The following KCND2 variants were observed in gnomAD, a reference collection of about 807,000 sequenced individuals.
The protein encoded by KCND2 is A-type voltage-gated potassium channel KCND2.
Under a neutral mutation model 54.4 loss-of-function variants are expected in KCND2, and 16 were observed. The observed-to-expected ratio is 0.29, with a 90% CI of 0.20 to 0.45. KCND2 has a LOEUF of 0.45. KCND2 is among the 20% of genes least tolerant of loss of function. KCND2 has a pLI of 1.00. For missense variants in KCND2, 486 were observed against 824.2 expected (o/e 0.59, Z 5.02); for synonymous variants, 317 against 310.7 (o/e 1.02, Z -0.21).
chr7:120,530,095 ATAAT>A (rs1327812523), intron 1 of KCND2, among the ~76,000 whole-genome samples: 2 of 152,102 alleles, frequency 1.3e-5, no homozygotes, highest in Non-Finnish European at 2.9e-5. Flanking sequence ...AAAGAGAGAA[ATAAT>A]TAATAAGATG....
At chr7:120,612,373 T>C (rs1792967277) in intron 1 of KCND2, among the ~76,000 whole-genome samples, 1 of 152,220 alleles carries the variant, frequency 6.6e-6, no homozygotes, top group Non-Finnish European at 1.5e-5. Flanking sequence ...TAAAGTAGTG[T>C]TTCCCATTAA....
chr7:120,274,876 C>T lies in KCND2; in HGVS notation c.244C>T (p.Gln82Ter), dbSNP rs1306598422. 6.2e-7 allele frequency: 1 copy of T among 1,614,184 alleles called. No individual in the cohort carries two copies. The highest frequency in any genetic ancestry group is 8.5e-7 in the Non-Finnish European group (1 of 1,180,028). Reference sequence around the variant, plus strand: ...CTTTTTCTACCACCCAGAAACTCAGCAGTATTTCTTTGACCGTGACCCAGA... The same window carrying T: ...CTTTTTCTACCACCCAGAAACTCAGTAGTATTTCTTTGACCGTGACCCAGA... ...RDFFYHPETQQYFFDRDPDIF... is the reference protein window; with the variant it reads ...RDFFYHPETQ The change falls in exon 1 of 6, where the codon CAG (glutamine) becomes TAG (stop). Residue 82 changes from glutamine to a stop codon, truncating the protein, a stop_gained. Coordinates refer to ENST00000331113, the MANE Select transcript of KCND2 (RefSeq NM_012281.3). LOFTEE classifies it high-confidence loss of function.
chr7:120,566,538 G>A (rs1037660985), intron 1 of KCND2, among the ~76,000 whole-genome samples: 1 of 151,908 alleles, frequency 6.6e-6, no homozygotes, highest in African/African-American at 2.4e-5. Context: ...ACACAACAGG[G>A]TCTTGCTATA....
intron 1 of KCND2, among the ~76,000 whole-genome samples, chr7:120,286,255 A>G (rs1464318943): frequency 6.6e-6 from 1 of 151,962 alleles, no homozygotes; most frequent in African/African-American, 2.4e-5. Flanking sequence ...TGTAATGTGT[A>G]CTCAAATCTG....
At chr7:120,290,030 T>C (rs1344603751) in intron 1 of KCND2, among the ~76,000 whole-genome samples, 1 of 152,080 alleles carries the variant, frequency 6.6e-6, no homozygotes, top group African/African-American at 2.4e-5. Flanking sequence ...TGGGGCCTTG[T>C]TGTGTTTTAA....
intron 1 of KCND2, among the ~76,000 whole-genome samples, chr7:120,537,262 AACTT>A (rs1178079142): frequency 6.6e-6 from 1 of 152,182 alleles, no homozygotes; most frequent in Non-Finnish European, 1.5e-5. Flanking sequence ...TTAGAAAAGA[AACTT>A]TCTTTTTTTT....
intron 2 of KCND2, among the ~76,000 whole-genome samples, chr7:120,737,894 A>C (rs7792191): frequency 0.036 from 5,461 of 151,954 alleles, 323 homozygotes; most frequent in African/African-American, 0.12. Context: ...AGATTTTGTG[A>C]TTTGGTAACA....
At chr7:120,599,815 A>T (rs1172794864) in intron 1 of KCND2, among the ~76,000 whole-genome samples, 5 of 151,736 alleles carry the variant, frequency 3.3e-5, no homozygotes, top group Admixed American at 1.3e-4. Flanking sequence ...CATTCTACTG[A>T]CCTCCAGTAA....
At chr7:120,458,481 C>CACACTGTGTGTTG (rs1450901864) in intron 1 of KCND2, among the ~76,000 whole-genome samples, 1 of 152,204 alleles carries the variant, frequency 6.6e-6, no homozygotes, top group Non-Finnish European at 1.5e-5. Context: ...ACCATAACCA[C>CACACTGTGTGTTG]ACACTGTGTG....
chr7:120,314,041 G>A (rs1431880322), intron 1 of KCND2, among the ~76,000 whole-genome samples: 3 of 149,924 alleles, frequency 2.0e-5, no homozygotes, highest in Non-Finnish European at 4.4e-5. Flanking sequence ...AATACAGTAA[G>A]GACACTTTTA....
intron 1 of KCND2, among the ~76,000 whole-genome samples, chr7:120,485,553 C>T (rs113749695): frequency 7.4e-4 from 113 of 152,232 alleles, no homozygotes; most frequent in African/African-American, 2.6e-3. Flanking sequence ...CAGGGTGTTT[C>T]GCAGATGACC....
intron 1 of KCND2, among the ~76,000 whole-genome samples, chr7:120,646,111 G>T (rs747241497): frequency 6.6e-6 from 1 of 152,136 alleles, no homozygotes; most frequent in East Asian, 1.9e-4. Flanking sequence ...GAATTATTTT[G>T]CAATCCTGAC....
chr7:120,504,999 G>A (rs1408853207), intron 1 of KCND2, among the ~76,000 whole-genome samples: 1 of 151,476 alleles, frequency 6.6e-6, no homozygotes, highest in Non-Finnish European at 1.5e-5. Context: ...TAAAAATAAA[G>A]GGCCCAAACT....
intron 1 of KCND2, among the ~76,000 whole-genome samples, chr7:120,471,312 A>G (rs1174967161): frequency 1.3e-5 from 2 of 152,068 alleles, no homozygotes; most frequent in African/African-American, 2.4e-5. Context: ...TTAATCCTCA[A>G]AATAAAGGTA....
At chr7:120,304,576 G>T (rs1408756866) in intron 1 of KCND2, among the ~76,000 whole-genome samples, 1 of 152,130 alleles carries the variant, frequency 6.6e-6, no homozygotes, top group Non-Finnish European at 1.5e-5. Flanking sequence ...ATCAATCTTC[G>T]TTTTAACGTG....
rs763513144 is a variant in KCND2, at chr7:120,745,947, A to G, written c.1635A>G (p.Val545=). ...CTTTTCGCATCCCAAATGCCAATGT[A>G]TCAGGAAGCCATCAAGGTAGTATAC... The part of the protein sequence containing the change: ...KKTFRIPNAN[V]SGSHQGSIQE... The change falls in exon 5 of 6, where the codon GTA becomes GTG. Residue 545 remains valine (V), a synonymous_variant. Transcript: ENST00000331113. 22 of 1,613,898 alleles carry G rather than the reference A, an allele frequency of 1.4e-5. No individual in the cohort carries two copies. In the Admixed American group the frequency reaches 2.2e-4, roughly 16 times the overall value.
intron 1 of KCND2, among the ~76,000 whole-genome samples, chr7:120,430,907 G>T (rs1801780010): frequency 1.3e-5 from 2 of 152,060 alleles, no homozygotes; most frequent in African/African-American, 4.8e-5. Context: ...AATTGGTAAA[G>T]GAATTTTTAT....
chr7:120,332,953 A>G (rs1800089647), intron 1 of KCND2, among the ~76,000 whole-genome samples: 3 of 152,080 alleles, frequency 2.0e-5, no homozygotes. Flanking sequence ...ATTCAAAATC[A>G]TTTCACCTTA....
chr7:120,380,914 A>C (rs570419552), intron 1 of KCND2, among the ~76,000 whole-genome samples: 2 of 152,236 alleles, frequency 1.3e-5, no homozygotes, highest in African/African-American at 2.4e-5. Context: ...ACAATAGTGA[A>C]TTGGTTGAAT....
Sources: gnomAD v4.1 joint callset for allele counts (sites outside exome capture counted in the v4.1 genomes callset) on GRCh38, gnomAD v4.1.1 for gene constraint, MANE v1.5 for transcripts, NCBI Gene and HGNC (gene_info 2026-07-23, HGNC 2026-07-21) for gene names.